Variants in GSTCD observed in about 807,000 individuals in gnomAD.
GSTCD encodes glutathione S-transferase C-terminal domain containing.
A neutral mutation model predicts 68.3 loss-of-function variants in GSTCD; 44 were observed. The observed-to-expected ratio is 0.64, with a 90% CI of 0.51 to 0.83. The LOEUF (loss-of-function observed/expected upper bound fraction) is 0.83, where lower values mean the gene tolerates loss of function less well. GSTCD is among the 40% of genes least tolerant of loss of function. The pLI is 0.00. For synonymous variants in GSTCD, 273 were observed against 255.2 expected, an observed-to-expected ratio of 1.07 and a Z score of -0.67; for missense variants, 739 against 735.9, an observed-to-expected ratio of 1.00 and a Z score of -0.05.
intron 7 of GSTCD, among the ~76,000 whole-genome samples, chr4:105,824,785 C>T (rs1235545804): frequency 1.3e-5 from 2 of 152,126 alleles, no homozygotes; most frequent in Admixed American, 6.5e-5. Flanking sequence ...CCTGTCCCCC[C>T]ATCACTACTA....
chr4:105,838,105 T>C (rs1724193864), intron 10 of GSTCD, among the ~76,000 whole-genome samples: 1 of 152,234 alleles, frequency 6.6e-6, no homozygotes, highest in Non-Finnish European at 1.5e-5. Flanking sequence ...TAACTCTACT[T>C]GCAGTCTAAC....
Position 105,772,346 on chromosome 4 carries a change from C to G in GSTCD, c.1240+42847C>G, listed in dbSNP as rs564622668. Among the ~76,000 whole-genome samples, 120 of 152,206 alleles carry G rather than the reference C, an allele frequency of 7.9e-4. 1 individual carries two copies. The highest frequency in any genetic ancestry group is 1.2e-3 in the East Asian group (6 of 5,182). ...CTTCCTCTCTTCCTATTTGAATAAC[C>G]CTTTATTTCTTTCTCTTGCCTGATT... On this transcript the variant is annotated intron_variant, in intron 5 of 11. Coordinates refer to ENST00000515279, the MANE Select transcript of GSTCD (RefSeq NM_001370181.1).
At chr4:105,735,815 A>G (rs1306718968) in intron 5 of GSTCD, among the ~76,000 whole-genome samples, 21 of 152,086 alleles carry the variant, frequency 1.4e-4, no homozygotes, top group Admixed American at 1.2e-3. Context: ...CTATTCGGCC[A>G]TCTTGGAACT....
At chr4:105,761,300 A>C (rs1734403997) in intron 5 of GSTCD, 1 of 162,714 alleles carries the variant, frequency 6.1e-6, no homozygotes, top group Non-Finnish European at 1.3e-5. Context: ...CACCACTCGG[A>C]CTCAATATGC....
intron 5 of GSTCD, chr4:105,815,253 A>G (rs550210639): frequency 6.6e-6 from 1 of 152,298 alleles, no homozygotes; most frequent in East Asian, 1.9e-4. Flanking sequence ...GAGGCTTGAC[A>G]TCTTAAAGCA....
chr4:105,818,451 G>T (rs897569019), intron 5 of GSTCD, among the ~76,000 whole-genome samples: 5 of 151,842 alleles, frequency 3.3e-5, no homozygotes, highest in African/African-American at 1.2e-4. Flanking sequence ...TCAAAGAAAT[G>T]TCACTTGTGT....
Position 105,719,094 on chromosome 4 carries a change from T to C in GSTCD, c.461T>C (p.Ile154Thr), listed in dbSNP as rs1235962663. The change falls in exon 3 of 12, where the codon ATC becomes ACC. Residue 154 changes from isoleucine (I) to threonine (T), a missense_variant. Ile to Thr is a moderately conservative substitution (Grantham distance 89, BLOSUM62 -1). Coordinates refer to ENST00000515279, the MANE Select transcript of GSTCD (RefSeq NM_001370181.1). ...SQWTRLCELT[I>T]PLAIENFLRE... The stretch of plus-strand genomic sequence containing the variant: ...TGGACCAGGCTATGTGAACTCACCA[T>C]CCCTTTGGCTATTGAGAATTTTCTC... 1.2e-6 allele frequency: 2 copies of C among 1,614,090 alleles called. No individual in the cohort carries two copies. The highest frequency in any genetic ancestry group is 8.5e-7 in the Non-Finnish European group (1 of 1,179,976).
intron 5 of GSTCD, among the ~76,000 whole-genome samples, chr4:105,778,667 T>C (rs1322450026): frequency 1.3e-5 from 2 of 152,138 alleles, no homozygotes; most frequent in Non-Finnish European, 2.9e-5. Flanking sequence ...GGATATATAT[T>C]ATATGAAGTT....
intron 5 of GSTCD, among the ~76,000 whole-genome samples, chr4:105,804,835 G>A (rs987931686): frequency 6.6e-6 from 1 of 151,850 alleles, no homozygotes; most frequent in Admixed American, 6.6e-5. Context: ...TTGCTCCCCT[G>A]CCATGTGTCC....
chr4:105,726,551 T>C (rs1389879611), intron 3 of GSTCD, 28 bp from the exon 4 acceptor site: 1 of 1,423,774 alleles, frequency 7.0e-7, no homozygotes, highest in Non-Finnish European at 9.5e-7. Context: ...ATATATATAA[T>C]AATGTGTTTT....
intron 5 of GSTCD, among the ~76,000 whole-genome samples, chr4:105,769,405 C>G (rs933844667): frequency 2.0e-5 from 3 of 151,996 alleles, no homozygotes; most frequent in African/African-American, 7.2e-5. Flanking sequence ...ATTAACCTAC[C>G]CATGGTAACC....
At chr4:105,770,372 C>CTT (rs898627416) in intron 5 of GSTCD, among the ~76,000 whole-genome samples, 1 of 140,410 alleles carries the variant, frequency 7.1e-6, no homozygotes, top group Non-Finnish European at 1.6e-5. Flanking sequence ...TTTTTTTTTC[C>CTT]TTTTTTTTTT....
chr4:105,752,510 A>T (rs752756114), intron 5 of GSTCD, among the ~76,000 whole-genome samples: 2 of 152,128 alleles, frequency 1.3e-5, no homozygotes, highest in Non-Finnish European at 2.9e-5. Flanking sequence ...GCGAGGAAAC[A>T]TCTATGTGAT....
At chr4:105,817,407 T>C (rs1723051823) in intron 5 of GSTCD, among the ~76,000 whole-genome samples, 2 of 151,838 alleles carry the variant, frequency 1.3e-5, no homozygotes, top group African/African-American at 4.8e-5. Flanking sequence ...ATAGTATATA[T>C]AACAAAATTA....
intron 5 of GSTCD, among the ~76,000 whole-genome samples, chr4:105,730,053 C>A (rs1330226131): frequency 2.6e-5 from 4 of 152,184 alleles, no homozygotes; most frequent in Admixed American, 6.6e-5. Flanking sequence ...TCACCCATGT[C>A]CCTACAAAGG....
In GSTCD at chr4:105,845,608, T is replaced by A; in HGVS notation, c.*31T>A. ...GATATTCACATTTGATATTTTGCCA[T>A]CCGTCTTCACGTTGGATGCCCAGTG... On this transcript the variant is annotated 3_prime_UTR_variant, in exon 12 of 12. Transcript: ENST00000515279. 1 of 1,612,114 alleles carries A rather than the reference T, an allele frequency of 6.2e-7. No individual in the cohort carries two copies. Among genetic ancestry groups the A allele is most frequent in the Non-Finnish European group, 8.5e-7 (1 of 1,179,260 alleles).
intron 5 of GSTCD, among the ~76,000 whole-genome samples, chr4:105,795,133 C>A (rs1196645540): frequency 1.3e-5 from 2 of 152,020 alleles, no homozygotes; most frequent in African/African-American, 4.8e-5. Context: ...ACGTTGACCT[C>A]CCAAAGAGCT....
chr4:105,734,702 T>G (rs2149216113), intron 5 of GSTCD, among the ~76,000 whole-genome samples: 1 of 152,368 alleles, frequency 6.6e-6, no homozygotes, highest in South Asian at 2.1e-4. Flanking sequence ...TCTCTGTCCA[T>G]CTTTGTTCTA....
At chr4:105,766,143 A>T (rs1305658065) in intron 5 of GSTCD, among the ~76,000 whole-genome samples, 1 of 152,234 alleles carries the variant, frequency 6.6e-6, no homozygotes, top group East Asian at 1.9e-4. Context: ...AAGCTCTAGA[A>T]GCCAAACCAG....
Sources: allele counts gnomAD v4.1 joint callset (sites outside exome capture counted in the v4.1 genomes callset), GRCh38; gene constraint gnomAD v4.1.1; transcripts MANE v1.5; gene names NCBI Gene and HGNC (gene_info 2026-07-23, HGNC 2026-07-21).